Variants in CPXM2 observed in about 807,000 individuals in gnomAD.
The protein encoded by CPXM2 is inactive carboxypeptidase-like protein X2.
A neutral mutation model predicts 86.1 loss-of-function variants in CPXM2; 66 were observed. That is an observed-to-expected ratio of 0.77 (90% CI 0.63 to 0.94). The LOEUF (loss-of-function observed/expected upper bound fraction) is 0.94, where lower values mean the gene tolerates loss of function less well. Ranked by LOEUF, CPXM2 falls within the 40% of genes least tolerant of loss-of-function variation. CPXM2 has a pLI of 0.00. For missense variants in CPXM2, 948 were observed against 1,026.3 expected (o/e 0.92, Z 1.04); for synonymous variants, 388 against 400.2 (o/e 0.97, Z 0.36).
chr10:123,764,644 G>C (rs956467387), intron 10 of CPXM2, among the ~76,000 whole-genome samples: 2 of 151,916 alleles, frequency 1.3e-5, no homozygotes, highest in African/African-American at 4.8e-5. Context: ...GCACCACCAT[G>C]CCTGGCTAAT....
intron 3 of CPXM2, among the ~76,000 whole-genome samples, chr10:123,857,681 C>T (rs931983754): frequency 1.7e-4 from 26 of 151,076 alleles, no homozygotes; most frequent in African/African-American, 6.1e-4. Flanking sequence ...TGGAAGGCGG[C>T]GTGGAGCTGC....
intron 2 of CPXM2, among the ~76,000 whole-genome samples, chr10:123,901,235 C>T (rs1465564881): frequency 1.3e-5 from 2 of 152,136 alleles, no homozygotes; most frequent in Non-Finnish European, 1.5e-5. Context: ...TACATCTACC[C>T]TTAGGGGCAC....
At chr10:123,847,728 G>T (rs989855462) in intron 3 of CPXM2, among the ~76,000 whole-genome samples, 7 of 152,186 alleles carry the variant, frequency 4.6e-5, no homozygotes, top group African/African-American at 7.2e-5. Context: ...CATAGATATA[G>T]AGGGTGACTG....
intron 2 of CPXM2, among the ~76,000 whole-genome samples, chr10:123,912,686 G>A (rs997991294): frequency 6.6e-6 from 1 of 152,180 alleles, no homozygotes; most frequent in African/African-American, 2.4e-5. Flanking sequence ...TCCGGCTGGA[G>A]GAAGGCTCTG....
chr10:123,853,636 G>A (rs777186026), intron 3 of CPXM2, among the ~76,000 whole-genome samples: 80 of 152,324 alleles, frequency 5.3e-4, no homozygotes, highest in Non-Finnish European at 9.8e-4. Context: ...CAGGTGTGGC[G>A]GCTCATGCCT....
At chr10:123,846,672 T>C (rs559851501) in intron 3 of CPXM2, among the ~76,000 whole-genome samples, 1 of 152,164 alleles carries the variant, frequency 6.6e-6, no homozygotes. Context: ...GGTTCCAACA[T>C]AGCAGAGAAT....
chr10:123,753,440 C>T (rs1272539599), intron 13 of CPXM2, among the ~76,000 whole-genome samples: 2 of 152,180 alleles, frequency 1.3e-5, no homozygotes, highest in Non-Finnish European at 2.9e-5. Context: ...ATCTTCCAGC[C>T]CACCTGGGGG....
intron 2 of CPXM2, among the ~76,000 whole-genome samples, chr10:123,866,707 C>A (rs1237838289): frequency 3.3e-5 from 5 of 152,230 alleles, no homozygotes; most frequent in Non-Finnish European, 5.9e-5. Context: ...CTGCAATCTG[C>A]AGCTGAAGCA....
intron 6 of CPXM2, among the ~76,000 whole-genome samples, chr10:123,791,546 C>T (rs1847207227): frequency 6.6e-6 from 1 of 152,186 alleles, no homozygotes; most frequent in African/African-American, 2.4e-5. Flanking sequence ...GTAGCCACAT[C>T]ACTCCGATCT....
intron 10 of CPXM2, among the ~76,000 whole-genome samples, chr10:123,763,200 T>C (rs1434897529): frequency 3.9e-5 from 6 of 152,214 alleles, no homozygotes; most frequent in Non-Finnish European, 8.8e-5. Flanking sequence ...CCACCACGCC[T>C]GGCTAATATT....
At position 123,827,481 on chromosome 10, in the gene CPXM2, G is replaced by A. The variant is rs114015833; in HGVS notation, c.653+14868C>T. Among the ~76,000 whole-genome samples, 863 of 152,162 alleles carry A rather than the reference G, an allele frequency of 5.7e-3. 10 individuals are homozygous for A. The highest frequency in any genetic ancestry group is 0.02 in the African/African-American group (832 of 41,512). On this transcript the variant is annotated intron_variant, in intron 4 of 13. Coordinates refer to ENST00000241305, the MANE Select transcript of CPXM2 (RefSeq NM_198148.3). ...GCTCAAAAAGACAAAATACTTAGAC[G>A]TAAACCTAACAAAAGGTTTACAAAA...
At chr10:123,857,542 C>CGATGGAAGGTGGCGTGGA (rs1848752945) in intron 3 of CPXM2, among the ~76,000 whole-genome samples, 1 of 144,064 alleles carries the variant, frequency 6.9e-6, no homozygotes, top group Non-Finnish European at 1.5e-5. Flanking sequence ...GTGATGCCAG[C>CGATGGAAGGTGGCGTGGA]GATGGAAGGC....
At chr10:123,896,840 C>T (rs1945341878), upstream of CPXM2, among the ~76,000 whole-genome samples, 1 of 152,228 alleles carries the variant, frequency 6.6e-6, no homozygotes, top group Admixed American at 6.5e-5. Context: ...GGATCATTTA[C>T]AGAAGTGATC....
chr10:123,822,075 C>T (rs753247661), intron 4 of CPXM2, among the ~76,000 whole-genome samples: 1 of 152,104 alleles, frequency 6.6e-6, no homozygotes, highest in Non-Finnish European at 1.5e-5. Flanking sequence ...AGATGTGTGA[C>T]CAATGAAAAA....
intron 2 of CPXM2, among the ~76,000 whole-genome samples, chr10:123,927,387 C>T (rs1419324395): frequency 6.6e-6 from 1 of 152,184 alleles, no homozygotes; most frequent in African/African-American, 2.4e-5. Context: ...TCAGAATAGC[C>T]AATTCTTACA....
chr10:123,833,955 T>C (rs1300840599), intron 4 of CPXM2, among the ~76,000 whole-genome samples: 9 of 152,328 alleles, frequency 5.9e-5, no homozygotes, highest in Non-Finnish European at 1.3e-4. Context: ...CAATCTTAAC[T>C]GCTTGATGTG....
At chr10:123,887,507 A>T (rs779349857) in intron 1 of CPXM2, among the ~76,000 whole-genome samples, 1 of 152,084 alleles carries the variant, frequency 6.6e-6, no homozygotes, top group Admixed American at 6.5e-5. Context: ...ATCACTGTCA[A>T]CCTCCTCATT....
At chr10:123,854,791 C>A (rs572420035) in intron 3 of CPXM2, among the ~76,000 whole-genome samples, 4 of 151,922 alleles carry the variant, frequency 2.6e-5, no homozygotes, top group Admixed American at 2.6e-4. Flanking sequence ...TGCACGTCTC[C>A]CAGCAATCAG....
rs765435589 is a variant in CPXM2, at chr10:123,762,058, G to A, written c.1591C>T (p.Arg531Trp). Reference protein sequence around the residue: ...LVVAYPYDLVRSPWKTQEHTP... With the variant: ...LVVAYPYDLVWSPWKTQEHTP... ...TGTTCCTGCGTCTTCCAGGGGGACC[G>A]CACCAGGTCGTAGGGGTACGCCACC... The change falls in exon 11 of 14, where the codon CGG (arginine) becomes TGG (tryptophan). Residue 531 changes from arginine to tryptophan, a missense_variant. Coordinates refer to ENST00000241305, the MANE Select transcript of CPXM2 (RefSeq NM_198148.3). 23 of 1,613,946 alleles carry A rather than the reference G, an allele frequency of 1.4e-5. 1 individual carries two copies. The highest frequency in any genetic ancestry group is 1.6e-4 in the Middle Eastern group (1 of 6,084).
Sources: allele counts gnomAD v4.1 joint callset (sites outside exome capture counted in the v4.1 genomes callset), GRCh38; gene constraint gnomAD v4.1.1; transcripts MANE v1.5; gene names NCBI Gene and HGNC (gene_info 2026-07-23, HGNC 2026-07-21).